Variants in MCHR2 observed in about 807,000 individuals in gnomAD.
MCHR2 encodes melanin-concentrating hormone receptor 2.
Under a neutral mutation model 24.8 loss-of-function variants are expected in MCHR2, and 15 were observed. That is an observed-to-expected ratio of 0.60 (90% CI 0.40 to 0.93). The LOEUF is 0.93. MCHR2 is among the 40% of genes least tolerant of loss of function. The probability of loss-of-function intolerance (pLI) is 0.00; values close to 1 mark genes in which losing one functional copy is unlikely to be tolerated. For missense variants in MCHR2, 386 were observed against 408.7 expected (o/e 0.94, Z 0.48); for synonymous variants, 151 against 147.6 (o/e 1.02, Z -0.17).
chr6:99,940,030 G>C (rs1774742072), intron 4 of MCHR2, among the ~76,000 whole-genome samples: 1 of 151,560 alleles, frequency 6.6e-6, no homozygotes. Context: ...CTTTGTCTTT[G>C]ACTTTTGAGA....
At chr6:99,926,276 A>G (rs1774355974) in intron 5 of MCHR2, among the ~76,000 whole-genome samples, 1 of 152,136 alleles carries the variant, frequency 6.6e-6, no homozygotes, top group Non-Finnish European at 1.5e-5. Flanking sequence ...GCTACTGTGA[A>G]TAGTGCCACA....
intron 4 of MCHR2, 59 bp from the exon 5 acceptor site, chr6:99,934,576 A>C: frequency 1.4e-6 from 2 of 1,415,416 alleles, no homozygotes; most frequent in Non-Finnish European, 1.9e-6. Context: ...CATTAATTGG[A>C]TTAGGAATTG....
chr6:99,946,936 G>A lies in MCHR2; in HGVS notation c.392+826C>T, dbSNP rs1039979323. Among the ~76,000 whole-genome samples, 12 of 152,206 alleles carry A rather than the reference G, an allele frequency of 7.9e-5. 1 individual carries two copies. The East Asian group carries it at 2.1e-3, about 27-fold the overall frequency. On this transcript the variant is annotated intron_variant, in intron 3 of 5. Transcript: ENST00000281806. ...GACGTTCTGGCATCTGGATAATGCA[G>A]GGCATATCCTAGCTTGCATGCTTCC... is the stretch of plus-strand genomic sequence containing the variant.
chr6:99,954,024 C>A (rs942970587), intron 2 of MCHR2, among the ~76,000 whole-genome samples: 7 of 152,004 alleles, frequency 4.6e-5, no homozygotes, highest in African/African-American at 1.4e-4. Context: ...CTCGGGGTGA[C>A]CTTCTCACAT....
intron 1 of MCHR2, among the ~76,000 whole-genome samples, chr6:99,959,058 T>C (rs1395361638): frequency 1.3e-5 from 2 of 152,014 alleles, no homozygotes; most frequent in South Asian, 4.1e-4. Context: ...GATTGGAGCA[T>C]ATATGCAGTG....
At chr6:99,988,684 C>A (rs1775810460) in intron 1 of MCHR2, among the ~76,000 whole-genome samples, 1 of 152,202 alleles carries the variant, frequency 6.6e-6, no homozygotes, top group African/African-American at 2.4e-5. Flanking sequence ...CAACATTTCT[C>A]ATAGGTAGAA....
At chr6:99,931,309 C>T (rs1295525993) in intron 5 of MCHR2, among the ~76,000 whole-genome samples, 2 of 152,204 alleles carry the variant, frequency 1.3e-5, no homozygotes, top group Non-Finnish European at 2.9e-5. Context: ...TTTGAGGAGC[C>T]AGTCTGCCCA....
intron 1 of MCHR2, among the ~76,000 whole-genome samples, chr6:99,984,237 T>A (rs1281727183): frequency 4.5e-5 from 3 of 67,250 alleles, no homozygotes; most frequent in African/African-American, 1.4e-4. Context: ...TTTTGTTTTT[T>A]ATTTTTTTAT....
intron 4 of MCHR2, among the ~76,000 whole-genome samples, chr6:99,936,147 G>A (rs202135936): frequency 1.9e-4 from 29 of 152,046 alleles, no homozygotes; most frequent in East Asian, 5.8e-4. Context: ...CATTCTGTGC[G>A]TTGTCTCTTC....
chr6:99,963,728 G>A (rs1413874139), intron 1 of MCHR2, among the ~76,000 whole-genome samples: 1 of 152,050 alleles, frequency 6.6e-6, no homozygotes, highest in Non-Finnish European at 1.5e-5. Flanking sequence ...ATGATGCAGA[G>A]TTTACTGGTT....
intron 1 of MCHR2, among the ~76,000 whole-genome samples, chr6:99,969,250 A>C (rs1419395257): frequency 6.6e-6 from 1 of 151,888 alleles, no homozygotes; most frequent in African/African-American, 2.4e-5. Context: ...CTGAGGCGGG[A>C]GGATCACGAT....
chr6:99,935,659 G>A (rs141816380), intron 4 of MCHR2, among the ~76,000 whole-genome samples: 2,490 of 152,076 alleles, frequency 0.016, 20 homozygotes, highest in Middle Eastern at 0.048. Flanking sequence ...GAACAGTACA[G>A]CAATAAACAT....
intron 3 of MCHR2, among the ~76,000 whole-genome samples, chr6:99,944,821 C>T (rs1774844667): frequency 6.6e-6 from 1 of 152,136 alleles, no homozygotes. Flanking sequence ...AGAATTCCTC[C>T]CATGATCCAC....
At chr6:99,943,513 G>A (rs1350149647) in intron 3 of MCHR2, among the ~76,000 whole-genome samples, 1 of 151,306 alleles carries the variant, frequency 6.6e-6, no homozygotes, top group Non-Finnish European at 1.5e-5. Flanking sequence ...AGTCCCCAGA[G>A]TGTGATGTTC....
chr6:99,989,372 G>A (rs6942201), intron 1 of MCHR2, among the ~76,000 whole-genome samples: 91,975 of 152,060 alleles, frequency 0.6, 27,886 homozygotes, highest in Middle Eastern at 0.66. Flanking sequence ...CAGATACTGT[G>A]TTAAGTACCT....
At chr6:99,985,123 A>T (rs977083179) in intron 1 of MCHR2, among the ~76,000 whole-genome samples, 10 of 152,166 alleles carry the variant, frequency 6.6e-5, no homozygotes, top group African/African-American at 2.4e-4. Context: ...TTCACCAAGG[A>T]GTTAAAAGAT....
chr6:99,931,668 G>A (rs907534496), intron 5 of MCHR2, among the ~76,000 whole-genome samples: 2 of 152,148 alleles, frequency 1.3e-5, no homozygotes, highest in African/African-American at 4.8e-5. Flanking sequence ...CTCCTGGTGT[G>A]CCGTCTCCTA....
chr6:99,975,584 C>T (rs1472622034), intron 1 of MCHR2, among the ~76,000 whole-genome samples: 1 of 152,252 alleles, frequency 6.6e-6, no homozygotes, highest in Non-Finnish European at 1.5e-5. Flanking sequence ...CACTGTCCTG[C>T]ACCCACTGTC....
chr6:99,973,443 G>A (rs1775477147), intron 1 of MCHR2, among the ~76,000 whole-genome samples: 1 of 151,954 alleles, frequency 6.6e-6, no homozygotes, highest in Admixed American at 6.6e-5. Flanking sequence ...CCTTCATTTT[G>A]AGCCTATGTG....
Sources: allele counts gnomAD v4.1 joint callset (sites outside exome capture counted in the v4.1 genomes callset), GRCh38; gene constraint gnomAD v4.1.1; transcripts MANE v1.5; gene names NCBI Gene and HGNC (gene_info 2026-07-23, HGNC 2026-07-21).